SLC26A8: variants seen among roughly 807,000 people sequenced by gnomAD.
SLC26A8 encodes solute carrier family 26 member 8, also known as testis anion transporter 1.
Under a neutral mutation model 105.0 loss-of-function variants are expected in SLC26A8, and 70 were observed. The observed-to-expected ratio is 0.67, with a 90% CI of 0.55 to 0.81. The LOEUF is 0.81. Ranked by LOEUF, SLC26A8 falls within the 40% of genes least tolerant of loss-of-function variation. The pLI is 0.00. For missense variants in SLC26A8, 998 were observed against 1,181.8 expected (o/e 0.84, Z 2.28); for synonymous variants, 415 against 438.3 (o/e 0.95, Z 0.66).
At chr6:36,015,110 T>C (rs924730258) in intron 2 of SLC26A8, among the ~76,000 whole-genome samples, 5 of 149,442 alleles carry the variant, frequency 3.3e-5, no homozygotes, top group African/African-American at 9.8e-5. Flanking sequence ...ATTGTGCTTT[T>C]TTTTTTTTTT....
chr6:35,998,342 G>T (rs904245443), intron 4 of SLC26A8, among the ~76,000 whole-genome samples: 3 of 152,134 alleles, frequency 2.0e-5, no homozygotes, highest in Non-Finnish European at 2.9e-5. Flanking sequence ...GATCACCTGA[G>T]ATCAGGAGTT....
intron 7 of SLC26A8, chr6:35,990,474 A>G (rs1433552013): frequency 6.4e-6 from 1 of 155,228 alleles, no homozygotes; most frequent in Non-Finnish European, 1.4e-5. Flanking sequence ...GTTATCATTT[A>G]ACATGAGATT....
intron 11 of SLC26A8, among the ~76,000 whole-genome samples, chr6:35,964,966 C>CAA (rs34171959): frequency 0.02 from 2,437 of 122,858 alleles, 89 homozygotes; most frequent in African/African-American, 0.061. Flanking sequence ...GACCATGTCT[C>CAA]AAAAAAAAAA....
At chr6:36,003,122 A>AT (rs1328593646) in intron 3 of SLC26A8, among the ~76,000 whole-genome samples, 5 of 152,104 alleles carry the variant, frequency 3.3e-5, no homozygotes, top group Admixed American at 3.3e-4. Flanking sequence ...TACTTAAGAA[A>AT]CCTTTTTCTA....
intron 10 of SLC26A8, among the ~76,000 whole-genome samples, chr6:35,974,789 T>G (rs1772932065): frequency 6.6e-6 from 1 of 152,172 alleles, no homozygotes; most frequent in Admixed American, 6.6e-5. Flanking sequence ...CAGGCTGGAG[T>G]GCAGTGGCAC....
chr6:35,998,563 AAAAAAG>A (rs1269785112), intron 4 of SLC26A8, among the ~76,000 whole-genome samples: 16 of 152,078 alleles, frequency 1.1e-4, no homozygotes, highest in African/African-American at 3.9e-4. Flanking sequence ...CTCAAAAAAA[AAAAAAG>A]AAAAGAAAAG....
chr6:36,014,417 A>G (rs1761942053), intron 2 of SLC26A8, among the ~76,000 whole-genome samples: 1 of 152,244 alleles, frequency 6.6e-6, no homozygotes, highest in African/African-American at 2.4e-5. Context: ...GATTTCAGTT[A>G]AGACATCTTA....
chr6:36,023,203 A>ATCCG (rs1356319402), intron 1 of SLC26A8, among the ~76,000 whole-genome samples: 4 of 151,412 alleles, frequency 2.6e-5, no homozygotes, highest in Non-Finnish European at 4.4e-5. Flanking sequence ...CCATCCATCC[A>ATCCG]TCCATTTATC....
intron 10 of SLC26A8, among the ~76,000 whole-genome samples, chr6:35,970,172 G>C (rs1460388631): frequency 6.6e-6 from 1 of 152,090 alleles, no homozygotes. Flanking sequence ...GGGGTCTCTC[G>C]ATTCTAATCT....
At chr6:36,018,240 C>T (rs1371148023) in intron 2 of SLC26A8, among the ~76,000 whole-genome samples, 1 of 152,130 alleles carries the variant, frequency 6.6e-6, no homozygotes, top group East Asian at 1.9e-4. Context: ...TTACAGTAGC[C>T]TAATGGCGGT....
chr6:35,983,696 C>T (rs1190762683), intron 7 of SLC26A8, among the ~76,000 whole-genome samples: 1 of 152,040 alleles, frequency 6.6e-6, no homozygotes, highest in Non-Finnish European at 1.5e-5. Flanking sequence ...GGATTACAGG[C>T]GTGTGCCACC....
chr6:35,951,430 G>A lies in SLC26A8; in HGVS notation c.2287+15C>T, dbSNP rs895261710. The A allele has an allele frequency of 2.5e-6, 4 of 1,614,102 alleles. No individual in the cohort carries two copies. The African/African-American group carries it at 5.3e-5, about 22-fold the overall frequency. On this transcript the variant is annotated intron_variant, in intron 18 of 19. Transcript: ENST00000490799. ...GGGTGCAAAACAGCCCTCTCATAGG[G>A]TGAAGGATACTCACAGTGACACCCT...
chr6:35,988,441 C>T (rs1341593774), intron 7 of SLC26A8, among the ~76,000 whole-genome samples: 2 of 152,114 alleles, frequency 1.3e-5, no homozygotes, highest in Non-Finnish European at 2.9e-5. Context: ...TGAGGCCAGC[C>T]TGGCCAACAT....
rs780456132 is a variant in SLC26A8 at position 36,019,576 on chromosome 6, G to A, written c.132C>T (p.Ser44=). 51 of 1,613,976 alleles carry A rather than the reference G, an allele frequency of 3.2e-5. No homozygotes were observed. Among genetic ancestry groups the A allele is most frequent in the Non-Finnish European group, 4.0e-5 (47 of 1,180,006 alleles). ...TFQQEHKRKA[S]SSGNMNINIT... Reference sequence around the variant, plus strand: ...TGTTGATGTTCATGTTCCCAGAAGAGGAGGCCTTCCTTTTGTGTTCCTGTT... The same window carrying A: ...TGTTGATGTTCATGTTCCCAGAAGAAGAGGCCTTCCTTTTGTGTTCCTGTT... The change falls in exon 2 of 20, where the codon TCC becomes TCT. Residue 44 remains serine, a synonymous_variant. Coordinates refer to ENST00000490799, the MANE Select transcript of SLC26A8 (RefSeq NM_052961.4).
intron 4 of SLC26A8, 107 bp downstream of exon 4, chr6:35,999,885 C>T: frequency 1.4e-6 from 1 of 713,074 alleles, no homozygotes; most frequent in Non-Finnish European, 2.4e-6. Context: ...CCACCTCCTG[C>T]CTCCTTTCTT....
intron 11 of SLC26A8, among the ~76,000 whole-genome samples, chr6:35,965,381 A>C (rs1772466997): frequency 6.6e-6 from 1 of 152,080 alleles, no homozygotes; most frequent in Non-Finnish European, 1.5e-5. Context: ...TTTAAGAAGC[A>C]TTTTTGCTCA....
chr6:35,959,394 G>T (rs748471151), intron 16 of SLC26A8, 66 bp downstream of exon 16: 1 of 1,473,400 alleles, frequency 6.8e-7, no homozygotes, highest in Non-Finnish European at 9.0e-7. Flanking sequence ...TTTTTTTTAA[G>T]AAATGACTAG....
chr6:36,015,800 C>T (rs181404217), intron 2 of SLC26A8, among the ~76,000 whole-genome samples: 1 of 147,152 alleles, frequency 6.8e-6, no homozygotes, highest in African/African-American at 2.6e-5. Context: ...AGGAGAATGT[C>T]TCAAGGAGAG....
At chr6:35,964,926 C>T (rs1021228572) in intron 11 of SLC26A8, among the ~76,000 whole-genome samples, 10 of 149,114 alleles carry the variant, frequency 6.7e-5, no homozygotes, top group African/African-American at 2.5e-4. Context: ...GAGATTGGGC[C>T]ACCGCTCTCC....
Sources: gnomAD v4.1 joint callset for allele counts (sites outside exome capture counted in the v4.1 genomes callset) on GRCh38, gnomAD v4.1.1 for gene constraint, MANE v1.5 for transcripts, NCBI Gene and HGNC (gene_info 2026-07-23, HGNC 2026-07-21) for gene names.